ARHGAP15: variants seen among roughly 807,000 people sequenced by gnomAD.
ARHGAP15 encodes rho GTPase-activating protein 15.
Under a neutral mutation model 63.7 loss-of-function variants are expected in ARHGAP15, and 51 were observed. That is an observed-to-expected ratio of 0.80 (90% confidence interval 0.64 to 1.01). The LOEUF (loss-of-function observed/expected upper bound fraction) is 1.01, where lower values mean the gene tolerates loss of function less well. Among genes scored for constraint, ARHGAP15 ranks in the 50% least tolerant of loss-of-function variants. The pLI is 0.00. For synonymous variants in ARHGAP15, 191 were observed against 193.8 expected, an observed-to-expected ratio of 0.99 and a Z score of 0.12; for missense variants, 560 against 564.6, an observed-to-expected ratio of 0.99 and a Z score of 0.08.
chr2:143,433,322 G>A (rs954635554), intron 6 of ARHGAP15, among the ~76,000 whole-genome samples: 2 of 152,062 alleles, frequency 1.3e-5, no homozygotes, highest in Admixed American at 6.6e-5. Flanking sequence ...CATTTAAACT[G>A]TAGAGAGCAG....
At chr2:143,588,956 G>T (rs1697215315) in intron 11 of ARHGAP15, among the ~76,000 whole-genome samples, 1 of 151,916 alleles carries the variant, frequency 6.6e-6, no homozygotes, top group South Asian at 2.1e-4. Flanking sequence ...AAGACATTGG[G>T]TCAAGACTTT....
At chr2:143,483,929 A>G (rs940438360) in intron 8 of ARHGAP15, among the ~76,000 whole-genome samples, 1 of 152,106 alleles carries the variant, frequency 6.6e-6, no homozygotes, top group Non-Finnish European at 1.5e-5. Context: ...GCTGCATTAT[A>G]ATTACACAGG....
At chr2:143,181,488 A>G (rs1051921890) in intron 2 of ARHGAP15, among the ~76,000 whole-genome samples, 1 of 152,354 alleles carries the variant, frequency 6.6e-6, no homozygotes, top group African/African-American at 2.4e-5. Context: ...AGCTTCATCA[A>G]TAATTTTAGC....
chr2:143,479,406 G>T (rs1691971395), intron 8 of ARHGAP15, among the ~76,000 whole-genome samples: 1 of 149,612 alleles, frequency 6.7e-6, no homozygotes, highest in African/African-American at 2.5e-5. Flanking sequence ...CATTTGATTT[G>T]GCTGTGGCCT....
chr2:143,225,461 C>A (rs1444877209), intron 4 of ARHGAP15, among the ~76,000 whole-genome samples: 2 of 151,992 alleles, frequency 1.3e-5, no homozygotes, highest in Non-Finnish European at 2.9e-5. Flanking sequence ...ATTAGCCGGG[C>A]GTGTTGGTGG....
chr2:143,746,173 A>T (rs562041484), intron 13 of ARHGAP15, among the ~76,000 whole-genome samples: 60 of 152,242 alleles, frequency 3.9e-4, no homozygotes, highest in Admixed American at 2.1e-3. Flanking sequence ...TTCAACACGA[A>T]CCTCATGACT....
At chr2:143,184,850 T>TTA (rs1315792365) in intron 2 of ARHGAP15, among the ~76,000 whole-genome samples, 2 of 127,910 alleles carry the variant, frequency 1.6e-5, no homozygotes, top group East Asian at 5.1e-4. Context: ...TTTTTCTTTT[T>TTA]TCTTTTTTTT....
intron 11 of ARHGAP15, among the ~76,000 whole-genome samples, chr2:143,581,093 G>A (rs1023900580): frequency 6.6e-6 from 1 of 152,162 alleles, no homozygotes. Context: ...TTGACTGCAG[G>A]CACAGAATTG....
At chr2:143,229,769 T>C (rs1179669058) in intron 5 of ARHGAP15, among the ~76,000 whole-genome samples, 1 of 152,188 alleles carries the variant, frequency 6.6e-6, no homozygotes, top group Admixed American at 6.5e-5. Flanking sequence ...AAATAGAAAA[T>C]AGAAAATCAT....
chr2:143,213,574 T>A (rs1168448052), intron 3 of ARHGAP15, among the ~76,000 whole-genome samples: 2 of 152,202 alleles, frequency 1.3e-5, no homozygotes, highest in African/African-American at 2.4e-5. Flanking sequence ...GAAGTGAGAA[T>A]GTGTGCACAG....
chr2:143,216,471 T>A (rs1360102223), intron 4 of ARHGAP15, 26 bp downstream of exon 4: 2 of 1,506,112 alleles, frequency 1.3e-6, no homozygotes, highest in Admixed American at 3.5e-5. Flanking sequence ...AATTCACTTT[T>A]ATATAACTAT....
At position 143,437,044 on chromosome 2, in the gene ARHGAP15, T is replaced by G. The variant is rs758754956; in HGVS notation, c.703+2T>G. On this transcript the variant is annotated splice_donor_variant, in intron 8 of 13. Coordinates refer to ENST00000295095, the MANE Select transcript of ARHGAP15 (RefSeq NM_018460.4). LOFTEE classifies it high-confidence loss of function. Reference sequence around the variant, plus strand: ...AACCAGAGCACAGAAAATCTTTAAGTGAGTATTTTCTTTGACTTGCTCATT... The same window carrying G: ...AACCAGAGCACAGAAAATCTTTAAGGGAGTATTTTCTTTGACTTGCTCATT... 2 of 1,592,948 alleles carry G rather than the reference T, an allele frequency of 1.3e-6. No homozygotes were observed. Among genetic ancestry groups the G allele is most frequent in the African/African-American group, 2.7e-5 (2 of 73,538 alleles).
intron 10 of ARHGAP15, among the ~76,000 whole-genome samples, chr2:143,540,214 T>A (rs1204987763): frequency 1.3e-5 from 2 of 152,216 alleles, no homozygotes; most frequent in Non-Finnish European, 2.9e-5. Flanking sequence ...CCTGCCTTTT[T>A]TTGTTTTCCA....
intron 6 of ARHGAP15, among the ~76,000 whole-genome samples, chr2:143,271,850 A>G (rs72851553): frequency 2.0e-5 from 3 of 152,350 alleles, no homozygotes; most frequent in Non-Finnish European, 2.9e-5. Flanking sequence ...TTGAAGGAAA[A>G]TCGATGTGTC....
In ARHGAP15 at chr2:143,499,320, C is replaced by G. The variant is rs1222055810; in HGVS notation, c.826+11825C>G. On this transcript the variant is annotated intron_variant, in intron 9 of 13. Coordinates refer to ENST00000295095, the MANE Select transcript of ARHGAP15 (RefSeq NM_018460.4). ...CAATTCAGAATAACTACAGATGCCT[C>G]GAGATATTAAAATTGACTGCTCAAA... Among the ~76,000 whole-genome samples the G allele has an allele frequency of 3.9e-5, 6 of 152,168 alleles. No homozygotes were observed. In the East Asian group the frequency reaches 5.8e-4, roughly 15 times the overall value.
chr2:143,473,105 A>G (rs539468588), intron 8 of ARHGAP15, among the ~76,000 whole-genome samples: 19 of 152,200 alleles, frequency 1.2e-4, no homozygotes, highest in East Asian at 9.6e-4. Flanking sequence ...TTGCATTCCA[A>G]CAACATTTTA....
chr2:143,163,519 A>C (rs1239816501), intron 2 of ARHGAP15, among the ~76,000 whole-genome samples: 6 of 152,010 alleles, frequency 3.9e-5, no homozygotes, highest in Admixed American at 3.9e-4. Flanking sequence ...AATAACATAT[A>C]TATTTACAAG....
intron 2 of ARHGAP15, chr2:143,193,454 G>A (rs1440998304): frequency 6.6e-6 from 1 of 152,594 alleles, no homozygotes; most frequent in Non-Finnish European, 1.5e-5. Flanking sequence ...CTGCTGAGTT[G>A]GATTAACCTT....
At chr2:143,534,317 T>C (rs1259293080) in intron 10 of ARHGAP15, among the ~76,000 whole-genome samples, 1 of 152,164 alleles carries the variant, frequency 6.6e-6, no homozygotes, top group African/African-American at 2.4e-5. Context: ...CATGCTGAAC[T>C]GTGAGTCAAT....
Sources: gnomAD v4.1 joint callset for allele counts (sites outside exome capture counted in the v4.1 genomes callset) on GRCh38, gnomAD v4.1.1 for gene constraint, MANE v1.5 for transcripts, NCBI Gene and HGNC (gene_info 2026-07-23, HGNC 2026-07-21) for gene names.